Variants in DPP10 observed in about 807,000 individuals in gnomAD.
DPP10 encodes the protein dipeptidyl peptidase like 10.
A neutral mutation model predicts 120.9 loss-of-function variants in DPP10; 33 were observed. The ratio of observed to expected loss-of-function variants is 0.27; its 90% CI spans 0.21 to 0.37. The LOEUF is 0.37. DPP10 is among the 10% of genes least tolerant of loss of function. DPP10 has a pLI of 1.00. For missense variants in DPP10, 816 were observed against 942.8 expected, an observed-to-expected ratio of 0.87 and a Z score of 1.76; for synonymous variants, 337 against 326.1, an observed-to-expected ratio of 1.03 and a Z score of -0.36.
intron 7 of DPP10, among the ~76,000 whole-genome samples, chr2:115,705,298 T>A (rs1318738821): frequency 6.6e-6 from 1 of 152,020 alleles, no homozygotes; most frequent in Non-Finnish European, 1.5e-5. Context: ...CATATTCCAT[T>A]AAATATCTAT....
chr2:115,696,146 A>G (rs6542289), intron 7 of DPP10, among the ~76,000 whole-genome samples: 140,587 of 152,130 alleles, frequency 0.92, 65,777 homozygotes, highest in Non-Finnish European at 1. Context: ...CATAAGGATT[A>G]TGGGAATGTT....
chr2:115,519,285 T>C (rs189744252), intron 4 of DPP10, among the ~76,000 whole-genome samples: 128 of 152,282 alleles, frequency 8.4e-4, no homozygotes, highest in African/African-American at 2.9e-3. Flanking sequence ...AATAAAAATA[T>C]ATGTGTGTCA....
At chr2:115,676,707 G>T (rs1056330272) in intron 5 of DPP10, among the ~76,000 whole-genome samples, 1 of 152,080 alleles carries the variant, frequency 6.6e-6, no homozygotes, top group Non-Finnish European at 1.5e-5. Context: ...AGGACATTAA[G>T]AAAACAAATA....
intron 1 of DPP10, among the ~76,000 whole-genome samples, chr2:115,223,374 G>A (rs1196827871): frequency 1.3e-5 from 2 of 152,114 alleles, no homozygotes; most frequent in Non-Finnish European, 2.9e-5. Context: ...TTATGGCTGT[G>A]TCAGTTGCTC....
intron 7 of DPP10, among the ~76,000 whole-genome samples, chr2:115,706,111 G>A (rs1345096844): frequency 6.6e-6 from 1 of 151,728 alleles, no homozygotes; most frequent in Non-Finnish European, 1.5e-5. Flanking sequence ...AATGTAACAG[G>A]AAATACAATG....
chr2:114,460,501 T>C (rs929863862), intron 1 of DPP10, among the ~76,000 whole-genome samples: 3 of 152,266 alleles, frequency 2.0e-5, no homozygotes, highest in Admixed American at 6.5e-5. Flanking sequence ...AACTGGGTGA[T>C]TGAAAAAAAC....
At chr2:115,702,809 A>G (rs2091946426) in intron 7 of DPP10, among the ~76,000 whole-genome samples, 2 of 152,098 alleles carry the variant, frequency 1.3e-5, no homozygotes, top group Admixed American at 6.6e-5. Context: ...CATACAATAC[A>G]AACTATAAAT....
intron 1 of DPP10, among the ~76,000 whole-genome samples, chr2:115,225,584 C>G (rs79726962): frequency 2.0e-5 from 3 of 151,590 alleles, no homozygotes; most frequent in African/African-American, 7.3e-5. Context: ...ATAGATTTGC[C>G]AATCATCTAT....
At chr2:115,837,710 T>A (rs1484743499) in intron 24 of DPP10, among the ~76,000 whole-genome samples, 1 of 152,106 alleles carries the variant, frequency 6.6e-6, no homozygotes. Context: ...GATGGCACTT[T>A]ACCTCCATGG....
intron 1 of DPP10, among the ~76,000 whole-genome samples, chr2:114,541,063 A>G (rs1468344903): frequency 6.6e-6 from 1 of 152,202 alleles, no homozygotes; most frequent in Non-Finnish European, 1.5e-5. Context: ...AATGTTTCAA[A>G]TGAGAACTCA....
chr2:115,203,177 C>G (rs1462882146), intron 1 of DPP10, among the ~76,000 whole-genome samples: 1 of 152,174 alleles, frequency 6.6e-6, no homozygotes, highest in Non-Finnish European at 1.5e-5. Context: ...GACAAGAATT[C>G]AACTGCCGTG....
At chr2:115,402,042 C>G (rs1010118449) in intron 3 of DPP10, among the ~76,000 whole-genome samples, 1 of 152,134 alleles carries the variant, frequency 6.6e-6, no homozygotes, top group African/African-American at 2.4e-5. Context: ...TCCTAAATGT[C>G]CCAGAACTCA....
At chr2:115,829,302 T>C (rs1426422093) in intron 21 of DPP10, among the ~76,000 whole-genome samples, 1 of 152,186 alleles carries the variant, frequency 6.6e-6, no homozygotes, top group Non-Finnish European at 1.5e-5. Flanking sequence ...TAAATCAACA[T>C]CATTAACAGT....
chr2:115,194,891 G>A (rs199977086), intron 1 of DPP10, among the ~76,000 whole-genome samples: 4 of 152,204 alleles, frequency 2.6e-5, no homozygotes, highest in East Asian at 3.9e-4. Flanking sequence ...ACAGAATCTC[G>A]GGTCCCCTTT....
chr2:115,264,378 A>G (rs1574219231), intron 1 of DPP10, among the ~76,000 whole-genome samples: 1 of 152,170 alleles, frequency 6.6e-6, no homozygotes, highest in Admixed American at 6.5e-5. Context: ...TCTGGAGCCT[A>G]TCCTTTGCTG....
chr2:115,622,405 A>G (rs2085019263), intron 5 of DPP10, among the ~76,000 whole-genome samples: 1 of 151,958 alleles, frequency 6.6e-6, no homozygotes, highest in Non-Finnish European at 1.5e-5. Flanking sequence ...TGGATATACT[A>G]CATTTTATTT....
intron 3 of DPP10, among the ~76,000 whole-genome samples, chr2:115,344,755 A>G (rs1028258260): frequency 1.3e-5 from 2 of 152,204 alleles, no homozygotes; most frequent in Non-Finnish European, 2.9e-5. Flanking sequence ...TAATTTGACC[A>G]ACCATACGAA....
rs2091980187 is a variant in DPP10, at chr2:115,703,621, C to G, written c.576+13700C>G. Among the ~76,000 whole-genome samples the G allele has an allele frequency of 2.0e-5, 3 of 151,976 alleles. No individual in the cohort carries two copies. The South Asian group carries it at 6.2e-4, about 31-fold the overall frequency. ...TTGGGGGGAAACTTCATATTGTACC[C>G]TTAAGGCCTTCAGCTGATTGGCTAA... is the stretch of plus-strand genomic sequence containing the variant. On this transcript the variant is annotated intron_variant, in intron 7 of 25. Transcript: ENST00000410059.
chr2:114,443,640 T>G (rs1340097101), intron 1 of DPP10, among the ~76,000 whole-genome samples: 2 of 151,768 alleles, frequency 1.3e-5, no homozygotes, highest in African/African-American at 4.8e-5. Context: ...TGTATTATTA[T>G]CTATGTGGAT....
Sources: allele counts gnomAD v4.1 joint callset (sites outside exome capture counted in the v4.1 genomes callset), GRCh38; gene constraint gnomAD v4.1.1; transcripts MANE v1.5; gene names NCBI Gene and HGNC (gene_info 2026-07-23, HGNC 2026-07-21).